The following MBD5 variants were observed in gnomAD, a reference collection of about 807,000 sequenced individuals.
The protein encoded by MBD5 is methyl-CpG-binding domain protein 5.
MBD5 carries 13 observed loss-of-function variants against 117.3 expected under a neutral mutation model. The observed-to-expected ratio is 0.11, with a 90% CI of 0.07 to 0.18. The LOEUF (loss-of-function observed/expected upper bound fraction) is 0.18, where lower values mean the gene tolerates loss of function less well. Among genes scored for constraint, MBD5 ranks in the 10% least tolerant of loss-of-function variants. The pLI, the probability that MBD5 is intolerant of heterozygous loss-of-function variation, is 1.00. For synonymous variants in MBD5, 727 were observed against 766.4 expected (o/e 0.95, Z 0.85); for missense variants, 1,879 against 2,093.8 (o/e 0.90, Z 2.00).
chr2:148,503,837 A>C (rs1472933338), intron 12 of MBD5, among the ~76,000 whole-genome samples: 3 of 152,236 alleles, frequency 2.0e-5, no homozygotes, highest in Non-Finnish European at 4.4e-5. Flanking sequence ...AAAAGAAGGA[A>C]AATTGCAAAT....
chr2:148,048,096 ATTAAT>A (rs1336669368), intron 1 of MBD5, among the ~76,000 whole-genome samples: 7 of 152,090 alleles, frequency 4.6e-5, no homozygotes, highest in Admixed American at 1.3e-4. Flanking sequence ...TTTGGTGATG[ATTAAT>A]TTAAGTTCAG....
At chr2:148,084,724 T>G (rs948450721) in intron 1 of MBD5, among the ~76,000 whole-genome samples, 1 of 152,194 alleles carries the variant, frequency 6.6e-6, no homozygotes, top group Non-Finnish European at 1.5e-5. Context: ...ACCATGAAAT[T>G]TTTGGGAACC....
At chr2:148,275,415 T>C (rs1197230656) in intron 3 of MBD5, among the ~76,000 whole-genome samples, 4 of 152,280 alleles carry the variant, frequency 2.6e-5, no homozygotes, top group African/African-American at 9.6e-5. Flanking sequence ...AGGGATTTAT[T>C]TTAAGGAATT....
At chr2:148,225,936 G>C (rs1699806218) in intron 2 of MBD5, among the ~76,000 whole-genome samples, 1 of 151,880 alleles carries the variant, frequency 6.6e-6, no homozygotes, top group African/African-American at 2.4e-5. Flanking sequence ...AGTCTTCTTT[G>C]GGTTAATTCT....
At chr2:148,294,501 G>GTTTGTTTTTTTTT (rs1553496237) in intron 3 of MBD5, among the ~76,000 whole-genome samples, 18 of 113,262 alleles carry the variant, frequency 1.6e-4, no homozygotes, top group African/African-American at 6.6e-4. Flanking sequence ...TGGGATTACA[G>GTTTGTTTTTTTTT]TTTTTTTTTT....
intron 1 of MBD5, among the ~76,000 whole-genome samples, chr2:148,169,976 C>T (rs541681769): frequency 6.6e-6 from 1 of 151,558 alleles, no homozygotes; most frequent in East Asian, 2.0e-4. Flanking sequence ...CGGCTCACTG[C>T]AAGCTCCGCC....
intron 1 of MBD5, among the ~76,000 whole-genome samples, chr2:148,068,059 A>G (rs1336894465): frequency 6.6e-6 from 1 of 152,218 alleles, no homozygotes; most frequent in Admixed American, 6.5e-5. Flanking sequence ...ATAAGTGGAC[A>G]TGTCCCTTGA....
At chr2:148,499,378 G>T (rs1243245625) in intron 11 of MBD5, among the ~76,000 whole-genome samples, 1 of 152,100 alleles carries the variant, frequency 6.6e-6, no homozygotes, top group Admixed American at 6.6e-5. Context: ...ATTCCAGGTA[G>T]CTTTATGATT....
chr2:148,329,791 T>C (rs1702583101), intron 3 of MBD5, among the ~76,000 whole-genome samples: 1 of 152,170 alleles, frequency 6.6e-6, no homozygotes, highest in Non-Finnish European at 1.5e-5. Context: ...GTGTCAAGAC[T>C]TTTAACAGGG....
intron 3 of MBD5, among the ~76,000 whole-genome samples, chr2:148,276,624 T>C (rs1420158532): frequency 6.6e-6 from 1 of 152,200 alleles, no homozygotes; most frequent in Non-Finnish European, 1.5e-5. Context: ...ATTAATATAG[T>C]CTATGTTTAA....
At position 148,434,287 on chromosome 2, in the gene MBD5, T is replaced by C. The variant is rs1472076202; in HGVS notation, c.-556-23916T>C. 3.9e-5 allele frequency among the ~76,000 whole-genome samples: 6 copies of C among 152,234 alleles called. No individual in the cohort carries two copies. The Middle Eastern group carries it at 0.01, about 259-fold the overall frequency. The stretch of plus-strand genomic sequence containing the variant: ...CTTTTTTCTTTTTTTGTCTAGCAAC[T>C]GTTCTACCTATCCTATTAATTTTTT... On this transcript the variant is annotated intron_variant, in intron 4 of 13. Coordinates refer to ENST00000642680, the MANE Select transcript of MBD5 (RefSeq NM_001378120.1).
At chr2:148,189,147 G>T (rs887804957) in intron 2 of MBD5, among the ~76,000 whole-genome samples, 18 of 146,772 alleles carry the variant, frequency 1.2e-4, no homozygotes, top group African/African-American at 3.6e-4. Context: ...AGCAGTCTGA[G>T]ATCAAACTGC....
At chr2:148,230,093 A>G (rs544847012) in intron 2 of MBD5, among the ~76,000 whole-genome samples, 1 of 152,176 alleles carries the variant, frequency 6.6e-6, no homozygotes, top group Non-Finnish European at 1.5e-5. Context: ...CTCAACAATC[A>G]GCAGGTGACA....
At chr2:148,217,337 G>A (rs1229228908) in intron 2 of MBD5, among the ~76,000 whole-genome samples, 2 of 152,098 alleles carry the variant, frequency 1.3e-5, no homozygotes, top group Non-Finnish European at 2.9e-5. Flanking sequence ...AAGAACACAG[G>A]CACACCAAAG....
chr2:148,172,645 G>A (rs1408023380), intron 1 of MBD5, among the ~76,000 whole-genome samples: 2 of 152,156 alleles, frequency 1.3e-5, no homozygotes, highest in South Asian at 2.1e-4. Context: ...AGCCTGAAGC[G>A]TGGGTGCTAG....
At chr2:148,510,621 T>C (rs142801192) in intron 13 of MBD5, among the ~76,000 whole-genome samples, 55 of 152,346 alleles carry the variant, frequency 3.6e-4, no homozygotes, top group African/African-American at 1.3e-3. Context: ...AGTTCACATA[T>C]TGACTGATGT....
At position 148,119,871 on chromosome 2, in the gene MBD5, A is replaced by T. The variant is rs573235824; in HGVS notation, c.-924-58829A>T. On this transcript the variant is annotated intron_variant, in intron 1 of 13. Transcript: ENST00000642680. Reference sequence around the variant, plus strand: ...ATCTATATGTCTACCCTATGCCAGTACCATCTTGTCTTGATTACTATAGCT... The same window carrying T: ...ATCTATATGTCTACCCTATGCCAGTTCCATCTTGTCTTGATTACTATAGCT... Among the ~76,000 whole-genome samples, 329 of 150,512 alleles carry T rather than the reference A, an allele frequency of 2.2e-3. 3 individuals are homozygous for T. The highest frequency in any genetic ancestry group is 3.7e-3 in the Non-Finnish European group (254 of 67,818).
chr2:148,467,646 G>T (rs922465685), intron 7 of MBD5, among the ~76,000 whole-genome samples: 2 of 152,102 alleles, frequency 1.3e-5, no homozygotes, highest in Non-Finnish European at 2.9e-5. Flanking sequence ...TTAGAAACAT[G>T]ATGTGAAACT....
At chr2:148,383,430 C>A (rs1317401267) in intron 4 of MBD5, among the ~76,000 whole-genome samples, 1 of 152,122 alleles carries the variant, frequency 6.6e-6, no homozygotes, top group Non-Finnish European at 1.5e-5. Context: ...TCCAAATAGA[C>A]CAATAACAGG....
Sources: allele counts gnomAD v4.1 joint callset (sites outside exome capture counted in the v4.1 genomes callset), GRCh38; gene constraint gnomAD v4.1.1; transcripts MANE v1.5; gene names NCBI Gene and HGNC (gene_info 2026-07-23, HGNC 2026-07-21).